UBA5: variants seen among roughly 807,000 people sequenced by gnomAD.
UBA5 encodes the protein ubiquitin-like modifier-activating enzyme 5.
A neutral mutation model predicts 52.9 loss-of-function variants in UBA5; 28 were observed. That is an observed-to-expected ratio of 0.53 (90% CI 0.39 to 0.73). The LOEUF is 0.73. Among genes scored for constraint, UBA5 ranks in the 30% least tolerant of loss-of-function variants. The pLI, the probability that UBA5 is intolerant of heterozygous loss-of-function variation, is 0.00. For missense variants in UBA5, 388 were observed against 492.7 expected (o/e 0.79, Z 2.01); for synonymous variants, 135 against 162.1 (o/e 0.83, Z 1.27).
upstream of UBA5, among the ~76,000 whole-genome samples, chr3:132,659,304 T>C (rs1339001142): frequency 6.6e-6 from 1 of 152,210 alleles, no homozygotes; most frequent in South Asian, 2.1e-4. Context: ...TTCTCAGAAT[T>C]TGTAGCCTTA....
chr3:132,672,286 G>C (rs909294338), intron 8 of UBA5, 109 bp downstream of exon 8: 51 of 1,296,236 alleles, frequency 3.9e-5, no homozygotes, highest in Non-Finnish European at 5.1e-5. Context: ...ATATAATTTA[G>C]TTACTTTAAA....
At chr3:132,671,479 T>C (rs1217343387) in intron 6 of UBA5, among the ~76,000 whole-genome samples, 1 of 152,196 alleles carries the variant, frequency 6.6e-6, no homozygotes, top group Non-Finnish European at 1.5e-5. Context: ...TTTTGGCATT[T>C]TTTTTGTTCC....
chr3:132,659,502 CAATCAGGGT>C, upstream of UBA5: 1 of 1,536,036 alleles, frequency 6.5e-7, no homozygotes, highest in East Asian at 2.3e-5. Context: ...GCAGGAAAAG[CAATCAGGGT>C]GGGAGAAACT....
chr3:132,671,050 G>T lies in UBA5; in HGVS notation c.579+1G>T. 1 of 1,610,046 alleles carries T rather than the reference G, an allele frequency of 6.2e-7. No homozygotes were observed. Among genetic ancestry groups the T allele is most frequent in the Non-Finnish European group, 8.5e-7 (1 of 1,176,722 alleles). ...TGAAGCTCGAATGACAATAAATACA[G>T]TGAGTATTCCTGCTGTGCAAGATAT... is the stretch of plus-strand genomic sequence containing the variant. On this transcript the variant is annotated splice_donor_variant, in intron 6 of 11. Coordinates refer to ENST00000356232, the MANE Select transcript of UBA5 (RefSeq NM_024818.6). LOFTEE classifies it high-confidence loss of function.
rs1364172014 is a variant in UBA5 at position 132,660,986 on chromosome 3, G to A, written c.161+288G>A. ...CCTTGCCTCTTAATTAGTCCGCCTCGCTGTGTATAAGACTGATAGTAAGAA... is the reference window on the plus strand; with the variant it reads ...CCTTGCCTCTTAATTAGTCCGCCTCACTGTGTATAAGACTGATAGTAAGAA... On this transcript the variant is annotated intron_variant, in intron 1 of 11. Coordinates refer to ENST00000356232, the MANE Select transcript of UBA5 (RefSeq NM_024818.6). This position sits in a 1 kb window ranked among gnomAD's most constrained non-coding sequence, Gnocchi z 4.1. 3 of 1,465,730 alleles carry A rather than the reference G, an allele frequency of 2.0e-6. No homozygotes were observed. Among genetic ancestry groups the A allele is most frequent in the African/African-American group, 1.4e-5 (1 of 71,670 alleles). 90.8% of individuals were successfully genotyped at this position (1,465,730 alleles called of 1,614,324 possible).
intron 1 of UBA5, among the ~76,000 whole-genome samples, chr3:132,664,960 G>T (rs938739319): frequency 7.9e-5 from 12 of 152,048 alleles, no homozygotes. Context: ...AGCATCAGGA[G>T]AAACATACTT....
intron 1 of UBA5, 61 bp from the exon 2 acceptor site, chr3:132,665,762 A>T: frequency 4.8e-6 from 7 of 1,468,764 alleles, no homozygotes; most frequent in Non-Finnish European, 5.7e-6. Flanking sequence ...ATGTATGTCT[A>T]TTTGTATTAC....
Position 132,675,843 on chromosome 3 carries a change from G to A in UBA5, c.1051G>A (p.Glu351Lys). 1.2e-6 allele frequency: 2 copies of A among 1,611,612 alleles called. No individual in the cohort carries two copies. The highest frequency in any genetic ancestry group is 1.7e-6 in the Non-Finnish European group (2 of 1,179,146). The change falls in exon 11 of 12, where the codon GAA (glutamate) becomes AAA (lysine). Residue 351 changes from glutamate (E) to lysine (K), a missense_variant. Glu to Lys is a moderately conservative substitution (Grantham distance 56). This residue lies in a region of UBA5 where 277 missense variants were observed against 326.4 expected (regional missense o/e 0.85). Coordinates refer to ENST00000356232, the MANE Select transcript of UBA5 (RefSeq NM_024818.6). ...TATTGAGCTGGTATCTGAGGTTTCAGAAGAGGAACTGAAAAATTTTTCAGG... is the reference window on the plus strand; with the variant it reads ...TATTGAGCTGGTATCTGAGGTTTCAAAAGAGGAACTGAAAAATTTTTCAGG... ...WGIELVSEVS[E>K]EELKNFSGPV...
rs111510101 is a variant in UBA5, at chr3:132,679,715, G to A, written c.*3189G>A. On this transcript the variant is annotated 3_prime_UTR_variant, in exon 12 of 12. Coordinates refer to ENST00000356232, the MANE Select transcript of UBA5 (RefSeq NM_024818.6). ...AGCAGTTTTTCTAAGGTGATAAACC[G>A]AACACATTACTTGCTATGTATTAAA... 1.2e-3 allele frequency among the ~76,000 whole-genome samples: 189 copies of A among 152,212 alleles called. 1 individual carries two copies. Among genetic ancestry groups the A allele is most frequent in the African/African-American group, 3.8e-3 (159 of 41,548 alleles).
intron 3 of UBA5, 140 bp from the exon 4 acceptor site, chr3:132,668,678 A>G: frequency 1.9e-6 from 1 of 531,044 alleles, no homozygotes. Flanking sequence ...GAATTAATAT[A>G]TGGCACCTAG....
Position 132,660,564 on chromosome 3 carries a change from G to A in UBA5, c.27G>A (p.Gln9=). 6.5e-7 allele frequency: 1 copy of A among 1,550,226 alleles called. No homozygotes were observed. The highest frequency in any genetic ancestry group is 8.7e-7 in the Non-Finnish European group (1 of 1,147,316). ...TGGCGGAGTCTGTGGAGCGCCTGCA[G>A]CAGCGGGTCCAGGAGCTGGAGCGGG... is the stretch of plus-strand genomic sequence containing the variant. MAESVERL[Q]QRVQELEREL... Residue 9 remains glutamine (Q), a synonymous_variant, in exon 1 of 12, where the codon CAG becomes CAA. Coordinates refer to ENST00000356232, the MANE Select transcript of UBA5 (RefSeq NM_024818.6). This position sits in a 1 kb window ranked among gnomAD's most constrained non-coding sequence, Gnocchi z 4.1.
At chr3:132,665,798 A>C (rs901630018) in intron 1 of UBA5, 25 bp from the exon 2 acceptor site, 3 of 1,610,044 alleles carry the variant, frequency 1.9e-6, no homozygotes, top group Non-Finnish European at 2.5e-6. Flanking sequence ...TGTAAGCTTT[A>C]AAACATATTT....
chr3:132,662,152 C>G (rs539592212), intron 1 of UBA5, among the ~76,000 whole-genome samples: 2 of 152,306 alleles, frequency 1.3e-5, no homozygotes, highest in South Asian at 4.1e-4. Context: ...GAACTCAAGT[C>G]TAAATATGTA....
rs760984777 is a variant in UBA5, at chr3:132,675,814, C to T, written c.1025-3C>T. On this transcript the variant is annotated splice_region_variant and splice_polypyrimidine_tract_variant and intron_variant, in intron 10 of 11. Transcript: ENST00000356232. ...AAAAACTGACATAGGATCAAATTTACAGGTATTGAGCTGGTATCTGAGGTT... is the reference window on the plus strand; with the variant it reads ...AAAAACTGACATAGGATCAAATTTATAGGTATTGAGCTGGTATCTGAGGTT... 1.2e-6 allele frequency: 2 copies of T among 1,602,542 alleles called. No individual in the cohort carries two copies. The highest frequency in any genetic ancestry group is 1.1e-5 in the South Asian group (1 of 89,184).
At chr3:132,666,521 A>T (rs903765451) in intron 3 of UBA5, among the ~76,000 whole-genome samples, 1 of 152,126 alleles carries the variant, frequency 6.6e-6, no homozygotes, top group Non-Finnish European at 1.5e-5. Flanking sequence ...TCTAAAATTC[A>T]TTTAGATTAT....
At chr3:132,674,285 T>C (rs1241070252) in intron 8 of UBA5, among the ~76,000 whole-genome samples, 1 of 152,252 alleles carries the variant, frequency 6.6e-6, no homozygotes, top group African/African-American at 2.4e-5. Flanking sequence ...ATCTTTTTTA[T>C]GTGATTTTCT....
Position 132,660,549 on chromosome 3 carries a change from T to A in UBA5, c.12T>A (p.Ser4=). Residue 4 remains serine, a synonymous_variant, in exon 1 of 12, where the codon TCT becomes TCA. Transcript: ENST00000356232. This position sits in a 1 kb window ranked among gnomAD's most constrained non-coding sequence, Gnocchi z 4.1. ...CCGGAGTCCCAGCCATGGCGGAGTC[T>A]GTGGAGCGCCTGCAGCAGCGGGTCC... MAE[S]VERLQQRVQE... 6.5e-7 allele frequency: 1 copy of A among 1,549,240 alleles called. No individual in the cohort carries two copies. The highest frequency in any genetic ancestry group is 8.7e-7 in the Non-Finnish European group (1 of 1,147,038).
chr3:132,664,568 G>GT (rs755191037), intron 1 of UBA5, among the ~76,000 whole-genome samples: 2 of 152,124 alleles, frequency 1.3e-5, no homozygotes, highest in African/African-American at 2.4e-5. Flanking sequence ...AAAGCAAATT[G>GT]TTGGACTCCA....
chr3:132,674,213 A>C (rs1938731303), intron 8 of UBA5, among the ~76,000 whole-genome samples: 2 of 152,104 alleles, frequency 1.3e-5, no homozygotes, highest in Admixed American at 1.3e-4. Flanking sequence ...ATCTGCTAAT[A>C]GTTGTTGCTC....
Sources: gnomAD v4.1 joint callset for allele counts (sites outside exome capture counted in the v4.1 genomes callset) on GRCh38, gnomAD v4.1.1 for gene constraint, gnomAD v4.1.1 regional missense constraint, Gnocchi (gnomAD v3.1) non-coding constraint, MANE v1.5 for transcripts, NCBI Gene and HGNC (gene_info 2026-07-23, HGNC 2026-07-21) for gene names.